LRRTM4: variants seen among roughly 807,000 people sequenced by gnomAD.
The protein encoded by LRRTM4 is leucine-rich repeat transmembrane neuronal protein 4.
LRRTM4 carries 25 observed loss-of-function variants against 47.6 expected under a neutral mutation model. The observed-to-expected ratio is 0.53, with a 90% CI of 0.38 to 0.73. The LOEUF (loss-of-function observed/expected upper bound fraction) is 0.73. Among genes scored for constraint, LRRTM4 ranks in the 30% least tolerant of loss-of-function variants. LRRTM4 has a pLI of 0.00. For synonymous variants in LRRTM4, 311 were observed against 269.5 expected, an observed-to-expected ratio of 1.15 and a Z score of -1.51; for missense variants, 638 against 713.4, an observed-to-expected ratio of 0.89 and a Z score of 1.20.
intron 3 of LRRTM4, among the ~76,000 whole-genome samples, chr2:77,396,039 C>A (rs1673687426): frequency 6.6e-6 from 1 of 151,756 alleles, no homozygotes; most frequent in Admixed American, 6.6e-5. Flanking sequence ...TGCACAGAAA[C>A]ATTTCTTTGA....
intron 3 of LRRTM4, among the ~76,000 whole-genome samples, chr2:77,148,612 G>T (rs1277100547): frequency 6.6e-6 from 1 of 152,142 alleles, no homozygotes; most frequent in South Asian, 2.1e-4. Flanking sequence ...GAAAAAGTAT[G>T]CCAGAGAACA....
intron 3 of LRRTM4, among the ~76,000 whole-genome samples, chr2:77,409,577 C>A (rs893606260): frequency 1.1e-4 from 17 of 152,062 alleles, no homozygotes; most frequent in African/African-American, 3.9e-4. Context: ...GTTCTTGTTT[C>A]TCTGTGTGTG....
At chr2:77,328,767 G>A (rs1670869019) in intron 3 of LRRTM4, among the ~76,000 whole-genome samples, 2 of 152,096 alleles carry the variant, frequency 1.3e-5, no homozygotes, top group Admixed American at 6.6e-5. Context: ...TCCTATTTAG[G>A]GATTTCGGGC....
At chr2:77,312,556 T>C (rs1418788204) in intron 3 of LRRTM4, among the ~76,000 whole-genome samples, 1 of 152,240 alleles carries the variant, frequency 6.6e-6, no homozygotes, top group African/African-American at 2.4e-5. Context: ...TATTTCTCTT[T>C]GGTTTGTGAA....
At chr2:76,786,474 CAGT>C (rs1333805146) in intron 3 of LRRTM4, among the ~76,000 whole-genome samples, 2 of 151,898 alleles carry the variant, frequency 1.3e-5, no homozygotes, top group Non-Finnish European at 1.5e-5. Flanking sequence ...TCTAAAAAAA[CAGT>C]AGTTATAATT....
chr2:77,232,248 A>G (rs955390493), intron 3 of LRRTM4, among the ~76,000 whole-genome samples: 2 of 152,134 alleles, frequency 1.3e-5, no homozygotes, highest in Admixed American at 6.6e-5. Context: ...CTCTTCACAT[A>G]TTTTCCCAAG....
At chr2:77,000,398 C>CT (rs1362387639) in intron 3 of LRRTM4, among the ~76,000 whole-genome samples, 1 of 152,026 alleles carries the variant, frequency 6.6e-6, no homozygotes, top group Non-Finnish European at 1.5e-5. Context: ...TAAATGAGAG[C>CT]TTGGGAGAGT....
chr2:76,998,425 AC>A (rs1032802643), intron 3 of LRRTM4, among the ~76,000 whole-genome samples: 1 of 152,072 alleles, frequency 6.6e-6, no homozygotes, highest in African/African-American at 2.4e-5. Flanking sequence ...TGGCCCTTCT[AC>A]TATCTATATT....
At chr2:76,845,699 T>A (rs111446151) in intron 3 of LRRTM4, among the ~76,000 whole-genome samples, 3 of 152,330 alleles carry the variant, frequency 2.0e-5, no homozygotes, top group African/African-American at 7.2e-5. Flanking sequence ...CAGTCTTTTT[T>A]AACTCAAAAA....
At chr2:76,993,626 G>C (rs1395000190) in intron 3 of LRRTM4, among the ~76,000 whole-genome samples, 1 of 151,940 alleles carries the variant, frequency 6.6e-6, no homozygotes, top group African/African-American at 2.4e-5. Flanking sequence ...TGAGTCTACA[G>C]AGAAGAAGGA....
chr2:77,072,850 T>G (rs1292056181), intron 3 of LRRTM4, among the ~76,000 whole-genome samples: 4 of 146,762 alleles, frequency 2.7e-5, no homozygotes, highest in African/African-American at 5.0e-5. Context: ...GTTTCCAAGG[T>G]TTGTATGATT....
intron 3 of LRRTM4, among the ~76,000 whole-genome samples, chr2:76,799,715 C>T (rs1368959621): frequency 1.5e-5 from 2 of 133,254 alleles, no homozygotes; most frequent in Non-Finnish European, 3.1e-5. Context: ...ATTGTCTCAG[C>T]CCAAAATCTC....
intron 3 of LRRTM4, among the ~76,000 whole-genome samples, chr2:77,072,579 C>A (rs1445936763): frequency 6.6e-6 from 1 of 151,940 alleles, no homozygotes; most frequent in Admixed American, 6.6e-5. Flanking sequence ...GGGCAGATCA[C>A]CTGAAGTCAG....
intron 3 of LRRTM4, among the ~76,000 whole-genome samples, chr2:76,928,251 T>C (rs571642856): frequency 6.6e-6 from 1 of 152,248 alleles, no homozygotes; most frequent in East Asian, 1.9e-4. Context: ...AAAAATTCAG[T>C]GTTAATTGGA....
In LRRTM4 at chr2:77,274,138, A is replaced by G. The variant is rs565370819; in HGVS notation, c.1551+244180T>C. Among the ~76,000 whole-genome samples the G allele has an allele frequency of 5.9e-4, 90 of 152,062 alleles. 2 individuals are homozygous for G. In the South Asian group the frequency reaches 0.018, roughly 31 times the overall value. ...TTGCTTTCTCTGTCTCTCATATATGATCACATTTACACACACACACATACA... is the reference window on the plus strand; with the variant it reads ...TTGCTTTCTCTGTCTCTCATATATGGTCACATTTACACACACACACATACA... On this transcript the variant is annotated intron_variant, in intron 3 of 3. Transcript: ENST00000409884.
At chr2:76,831,351 G>A (rs749415327) in intron 3 of LRRTM4, among the ~76,000 whole-genome samples, 5 of 152,056 alleles carry the variant, frequency 3.3e-5, no homozygotes, top group Admixed American at 2.0e-4. Flanking sequence ...GCACACGCTC[G>A]CATTTGTGTT....
chr2:77,010,320 T>G (rs769303523), intron 3 of LRRTM4, among the ~76,000 whole-genome samples: 2 of 148,832 alleles, frequency 1.3e-5, no homozygotes, highest in Non-Finnish European at 3.0e-5. Flanking sequence ...ATGACTACTA[T>G]TTTACTTTCT....
At chr2:76,812,773 T>TCCCCCC (rs1309542735) in intron 3 of LRRTM4, among the ~76,000 whole-genome samples, 1 of 53,090 alleles carries the variant, frequency 1.9e-5, no homozygotes. Flanking sequence ...CTCCTCTCCC[T>TCCCCCC]CCCCCTCCTC....
rs115174734 is a variant in LRRTM4, at chr2:77,367,987, A to T, written c.1551+150331T>A. On this transcript the variant is annotated intron_variant, in intron 3 of 3. Transcript: ENST00000409884. ...ATTTTAGGTGCCTTTTTTCATCGTTATAAAGCTCCATTGGACATTGTTGTT... is the reference window on the plus strand; with the variant it reads ...ATTTTAGGTGCCTTTTTTCATCGTTTTAAAGCTCCATTGGACATTGTTGTT... Among the ~76,000 whole-genome samples, 1,233 of 151,874 alleles carry T rather than the reference A, an allele frequency of 8.1e-3. 14 individuals are homozygous for T. The highest frequency in any genetic ancestry group is 0.022 in the South Asian group (106 of 4,828).
Sources: allele counts gnomAD v4.1 joint callset (sites outside exome capture counted in the v4.1 genomes callset), GRCh38; gene constraint gnomAD v4.1.1; transcripts MANE v1.5; gene names NCBI Gene and HGNC (gene_info 2026-07-23, HGNC 2026-07-21).